Variants in GLIS3 observed in about 807,000 individuals in gnomAD.
GLIS3 encodes GLIS family zinc finger 3, also known as zinc finger protein GLIS3.
In GLIS3, 53 loss-of-function variants were observed where a neutral mutation model predicts 78.6. That is an observed-to-expected ratio of 0.67 (90% CI 0.54 to 0.85). GLIS3 has a LOEUF of 0.85. GLIS3 is among the 40% of genes least tolerant of loss of function. The pLI, the probability that GLIS3 is intolerant of heterozygous loss-of-function variation, is 0.00. For synonymous variants in GLIS3, 684 were observed against 509.9 expected, an observed-to-expected ratio of 1.34 and a Z score of -4.60; for missense variants, 1,703 against 1,231.1, an observed-to-expected ratio of 1.38 and a Z score of -5.74.
In GLIS3 at chr9:4,006,198, ACT is replaced by A. The variant is rs1396339787; in HGVS notation, c.1711-69011_1711-69010del. Among the ~76,000 whole-genome samples the A allele has an allele frequency of 2.0e-5, 3 of 149,498 alleles. No homozygotes were observed. The East Asian group carries it at 5.9e-4, about 29-fold the overall frequency. ...TCTAATGTTAGGCCCTTTGCTGTAA[ACT>A]CTCTTTTTCACGCTCCTTGCCTTGC... On this transcript the variant is annotated intron_variant, in intron 4 of 10. Coordinates refer to ENST00000381971, the MANE Select transcript of GLIS3 (RefSeq NM_001042413.2).
intron 4 of GLIS3, among the ~76,000 whole-genome samples, chr9:4,006,365 T>C (rs564918029): frequency 1.5e-5 from 2 of 132,178 alleles, no homozygotes; most frequent in Admixed American, 7.4e-5. Flanking sequence ...ACCATACATA[T>C]GAAATTTTTA....
intron 2 of GLIS3, among the ~76,000 whole-genome samples, chr9:4,275,123 G>A (rs1359312409): frequency 6.6e-6 from 1 of 152,108 alleles, no homozygotes; most frequent in Non-Finnish European, 1.5e-5. Flanking sequence ...ACTTCATATA[G>A]ATAGAGGCAT....
intron 2 of GLIS3, among the ~76,000 whole-genome samples, chr9:4,314,336 G>A (rs1304273311): frequency 6.6e-6 from 1 of 152,184 alleles, no homozygotes; most frequent in African/African-American, 2.4e-5. Context: ...TCTTGGCACT[G>A]TGTAGCTACC....
chr9:4,324,804 C>G (rs977362453), intron 2 of GLIS3, among the ~76,000 whole-genome samples: 1 of 152,144 alleles, frequency 6.6e-6, no homozygotes, highest in Non-Finnish European at 1.5e-5. Context: ...CTCTGAGTGA[C>G]TTGTTTCAAG....
the GLIS3 span, among the ~76,000 whole-genome samples, chr9:4,410,532 A>T: frequency 6.6e-6 from 1 of 152,228 alleles, no homozygotes; most frequent in Non-Finnish European, 1.5e-5. Context: ...TAAATCAGCT[A>T]AAATTTTACT....
intron 4 of GLIS3, among the ~76,000 whole-genome samples, chr9:3,957,869 T>G (rs1008371150): frequency 1.3e-5 from 2 of 152,356 alleles, no homozygotes; most frequent in East Asian, 3.9e-4. Context: ...CAAAATGCTC[T>G]GCCTGAAATG....
At chr9:4,414,721 G>C in the GLIS3 span, among the ~76,000 whole-genome samples, 91 of 151,960 alleles carry the variant, frequency 6.0e-4, no homozygotes, top group African/African-American at 2.1e-3. Context: ...TCCAGTCTTA[G>C]CAAGAACCCT....
At chr9:4,053,723 A>AAAAAAAAAAAAAAAAAC (rs33993580) in intron 4 of GLIS3, among the ~76,000 whole-genome samples, 1 of 151,008 alleles carries the variant, frequency 6.6e-6, no homozygotes, top group Non-Finnish European at 1.5e-5. Context: ...AAAAAAAAAA[A>AAAAAAAAAAAAAAAAAC]TTCTGGATAG....
rs1439939801 is a variant in GLIS3, at chr9:3,829,306, A to T, written c.2656+4T>A. 5 of 1,613,498 alleles carry T rather than the reference A, an allele frequency of 3.1e-6. No individual in the cohort carries two copies. Among genetic ancestry groups the T allele is most frequent in the Non-Finnish European group, 4.2e-6 (5 of 1,179,678 alleles). On this transcript the variant is annotated splice_donor_region_variant and intron_variant, in intron 10 of 10. Coordinates refer to ENST00000381971, the MANE Select transcript of GLIS3 (RefSeq NM_001042413.2). ...ATTTTCTAAGTCACAGACAACCAAC[A>T]CACCTGTAATGCCCGAGTGAGTCGA...
chr9:3,998,410 C>G (rs1413805558), intron 4 of GLIS3, among the ~76,000 whole-genome samples: 1 of 151,928 alleles, frequency 6.6e-6, no homozygotes, highest in Non-Finnish European at 1.5e-5. Flanking sequence ...TTTTTCTTAC[C>G]TTTATATTTA....
chr9:4,240,500 C>G (rs900703309), intron 2 of GLIS3, among the ~76,000 whole-genome samples: 5 of 151,946 alleles, frequency 3.3e-5, no homozygotes, highest in African/African-American at 1.2e-4. Flanking sequence ...ACGGTCCATT[C>G]CTGAGATTTT....
chr9:4,486,072 T>A, the GLIS3 span, among the ~76,000 whole-genome samples: 8 of 152,242 alleles, frequency 5.3e-5, no homozygotes, highest in African/African-American at 1.9e-4. Context: ...AATGTTTGTA[T>A]ATATTGAAAT....
chr9:3,966,152 A>G (rs1392899439), intron 4 of GLIS3, among the ~76,000 whole-genome samples: 2 of 152,202 alleles, frequency 1.3e-5, no homozygotes, highest in Non-Finnish European at 2.9e-5. Flanking sequence ...TTGGAAACTG[A>G]TATGTTCCTA....
At chr9:3,876,634 CAG>C (rs149679158) in intron 8 of GLIS3, among the ~76,000 whole-genome samples, 369 of 15,518 alleles carry the variant, frequency 0.024, 8 homozygotes, top group African/African-American at 0.045. Context: ...TCACCAAAGT[CAG>C]AGAGAGAGAG....
At chr9:4,126,538 C>T (rs1165498992) in intron 2 of GLIS3, among the ~76,000 whole-genome samples, 1 of 152,152 alleles carries the variant, frequency 6.6e-6, no homozygotes, top group Non-Finnish European at 1.5e-5. Flanking sequence ...TGAAAAACAG[C>T]ATGGTAACCA....
intron 4 of GLIS3, among the ~76,000 whole-genome samples, chr9:4,025,634 T>C (rs754674360): frequency 5.9e-5 from 9 of 152,030 alleles, no homozygotes; most frequent in Admixed American, 1.3e-4. Context: ...GATCCGCCCG[T>C]CTCAGCCTCC....
At chr9:3,981,391 GT>G (rs1563916538) in intron 4 of GLIS3, among the ~76,000 whole-genome samples, 1 of 152,174 alleles carries the variant, frequency 6.6e-6, no homozygotes, top group Non-Finnish European at 1.5e-5. Flanking sequence ...TTCCAAGGCT[GT>G]AATTTAGACC....
intron 2 of GLIS3, among the ~76,000 whole-genome samples, chr9:4,209,950 C>T (rs1278306015): frequency 6.6e-6 from 1 of 152,192 alleles, no homozygotes; most frequent in Non-Finnish European, 1.5e-5. Flanking sequence ...ATCCCATCCC[C>T]TCATCCGTAA....
intron 2 of GLIS3, among the ~76,000 whole-genome samples, chr9:4,233,863 C>G (rs900881375): frequency 6.6e-6 from 1 of 152,200 alleles, no homozygotes; most frequent in Admixed American, 6.5e-5. Flanking sequence ...TTAGTTAGAT[C>G]TCCTGGAGAA....
Sources: allele counts gnomAD v4.1 joint callset (sites outside exome capture counted in the v4.1 genomes callset), GRCh38; gene constraint gnomAD v4.1.1; transcripts MANE v1.5; gene names NCBI Gene and HGNC (gene_info 2026-07-23, HGNC 2026-07-21).